Variants in DLGAP1 observed in about 807,000 individuals in gnomAD.
DLGAP1 encodes the protein DLG associated protein 1, also known as disks large-associated protein 1.
In DLGAP1, 11 loss-of-function variants were observed where a neutral mutation model predicts 90.8. The observed-to-expected ratio is 0.12, with a 90% CI of 0.08 to 0.20. The LOEUF is 0.20. Ranked by LOEUF, DLGAP1 falls within the 10% of genes least tolerant of loss-of-function variation. DLGAP1 has a pLI of 1.00. For synonymous variants in DLGAP1, 558 were observed against 540.7 expected, an observed-to-expected ratio of 1.03 and a Z score of -0.44; for missense variants, 1,050 against 1,333.8, an observed-to-expected ratio of 0.79 and a Z score of 3.31.
rs74848596 is a variant in DLGAP1, at chr18:4,025,721, T to C, written c.-158-20520A>G. On this transcript the variant is annotated intron_variant, in intron 2 of 12. Transcript: ENST00000315677. ...CCATCTGAGTTCTATTTTCTGCTGA[T>C]AATTACTAAGTTTTGAAAATAATTC... Among the ~76,000 whole-genome samples the C allele has an allele frequency of 6.2e-3, 939 of 152,346 alleles. 2 individuals are homozygous for C. The highest frequency in any genetic ancestry group is 0.011 in the Non-Finnish European group (723 of 68,036).
chr18:3,720,840 C>A (rs2061944586), intron 7 of DLGAP1, among the ~76,000 whole-genome samples: 1 of 136,806 alleles, frequency 7.3e-6, no homozygotes, highest in Admixed American at 8.1e-5. Flanking sequence ...CTGGTTTAGC[C>A]CAGGAGTTTG....
chr18:4,442,278 G>A (rs962299939), intron 1 of DLGAP1, among the ~76,000 whole-genome samples: 11 of 152,274 alleles, frequency 7.2e-5, no homozygotes, highest in African/African-American at 9.6e-5. Context: ...GATTACAGGC[G>A]TGAGCCACTT....
intron 3 of DLGAP1, among the ~76,000 whole-genome samples, chr18:3,991,841 A>C (rs564255592): frequency 6.6e-6 from 1 of 152,318 alleles, no homozygotes; most frequent in African/African-American, 2.4e-5. Flanking sequence ...ATTGTAACTA[A>C]CCACTTTGAT....
chr18:4,254,446 C>G (rs2078846746), intron 1 of DLGAP1, among the ~76,000 whole-genome samples: 1 of 152,294 alleles, frequency 6.6e-6, no homozygotes, highest in Non-Finnish European at 1.5e-5. Context: ...AATGTTAATT[C>G]TGAGATAGCC....
chr18:4,079,387 A>C (rs979266850), intron 2 of DLGAP1, among the ~76,000 whole-genome samples: 1 of 151,844 alleles, frequency 6.6e-6, no homozygotes, highest in African/African-American at 2.4e-5. Context: ...TTTTTCAGCA[A>C]TTTGGATGGA....
At chr18:3,945,200 A>G (rs1206157568) in intron 3 of DLGAP1, among the ~76,000 whole-genome samples, 1 of 152,220 alleles carries the variant, frequency 6.6e-6, no homozygotes, top group Non-Finnish European at 1.5e-5. Flanking sequence ...GGATTTAAAG[A>G]GTTAACACAT....
intron 8 of DLGAP1, among the ~76,000 whole-genome samples, chr18:3,581,664 G>GAAAAAAAA (rs71159093): frequency 2.8e-5 from 4 of 142,070 alleles, no homozygotes; most frequent in Non-Finnish European, 4.5e-5. Context: ...TTCTCACCAT[G>GAAAAAAAA]AAAAAAAAAA....
At chr18:4,216,702 T>C (rs2077965706) in intron 1 of DLGAP1, among the ~76,000 whole-genome samples, 1 of 152,132 alleles carries the variant, frequency 6.6e-6, no homozygotes, top group African/African-American at 2.4e-5. Flanking sequence ...AAAGAGATTA[T>C]GACTGAACTT....
intron 1 of DLGAP1, among the ~76,000 whole-genome samples, chr18:4,347,241 T>C (rs895677862): frequency 1.3e-5 from 2 of 151,992 alleles, no homozygotes; most frequent in Non-Finnish European, 2.9e-5. Context: ...CAGGCCCAGA[T>C]AGTGTCATGG....
At chr18:3,654,694 T>C (rs145514547) in intron 7 of DLGAP1, 91 of 152,326 alleles carry the variant, frequency 6.0e-4, no homozygotes, top group African/African-American at 2.1e-3. Context: ...GTGTCTCTTA[T>C]ATCGTTTTAG....
intron 1 of DLGAP1, among the ~76,000 whole-genome samples, chr18:4,291,623 T>C (rs1435223930): frequency 1.3e-5 from 2 of 152,152 alleles, no homozygotes; most frequent in Non-Finnish European, 2.9e-5. Flanking sequence ...TCAGTAGGTC[T>C]CATTTATGAC....
Position 3,679,049 on chromosome 18 carries a change from C to A in DLGAP1, c.1591+50086G>T, listed in dbSNP as rs539395614. 4.9e-3 allele frequency among the ~76,000 whole-genome samples: 750 copies of A among 152,220 alleles called. 4 individuals carry two copies. The highest frequency in any genetic ancestry group is 8.0e-3 in the Non-Finnish European group (544 of 68,022). On this transcript the variant is annotated intron_variant, in intron 7 of 12. Coordinates refer to ENST00000315677, the MANE Select transcript of DLGAP1 (RefSeq NM_004746.4). ...ATCTTGTTATGTTGCCCAGGCTGAG[C>A]TCACACTCCTGGGCTCAAGCAATCT...
At chr18:4,449,521 C>G (rs1040916144) in intron 1 of DLGAP1, among the ~76,000 whole-genome samples, 3 of 152,168 alleles carry the variant, frequency 2.0e-5, no homozygotes, top group Admixed American at 6.5e-5. Context: ...CCCTTATGCA[C>G]TAAGAATACA....
chr18:4,243,848 G>GGT (rs1368065343), intron 1 of DLGAP1, among the ~76,000 whole-genome samples: 3 of 152,048 alleles, frequency 2.0e-5, no homozygotes, highest in African/African-American at 7.2e-5. Context: ...GTGGCTGAAA[G>GGT]GTATACAATG....
At chr18:4,392,658 T>TA (rs1243905807) in intron 1 of DLGAP1, among the ~76,000 whole-genome samples, 2 of 152,182 alleles carry the variant, frequency 1.3e-5, no homozygotes, top group East Asian at 3.9e-4. Flanking sequence ...AACTCTGTAA[T>TA]AACTGTACAG....
intron 3 of DLGAP1, among the ~76,000 whole-genome samples, chr18:3,938,395 C>T (rs1599187110): frequency 6.6e-6 from 1 of 152,094 alleles, no homozygotes; most frequent in South Asian, 2.1e-4. Flanking sequence ...GAGAAAAAGC[C>T]TCTCTGAGGA....
chr18:4,244,921 A>C (rs974417484), intron 1 of DLGAP1, among the ~76,000 whole-genome samples: 2 of 152,226 alleles, frequency 1.3e-5, no homozygotes, highest in Non-Finnish European at 2.9e-5. Flanking sequence ...CAATGCAGCA[A>C]GTGTCTATTA....
At chr18:3,810,451 C>T (rs1417881552) in intron 5 of DLGAP1, among the ~76,000 whole-genome samples, 5 of 152,216 alleles carry the variant, frequency 3.3e-5, no homozygotes, top group East Asian at 1.9e-4. Flanking sequence ...CAAAATGTTG[C>T]CCCAATCTCA....
chr18:3,718,448 G>A (rs1307122342), intron 7 of DLGAP1, among the ~76,000 whole-genome samples: 1 of 152,006 alleles, frequency 6.6e-6, no homozygotes, highest in Non-Finnish European at 1.5e-5. Context: ...TCTAGGATGC[G>A]TGGAAGAAAT....
Sources: gnomAD v4.1 joint callset for allele counts (sites outside exome capture counted in the v4.1 genomes callset) on GRCh38, gnomAD v4.1.1 for gene constraint, MANE v1.5 for transcripts, NCBI Gene and HGNC (gene_info 2026-07-23, HGNC 2026-07-21) for gene names.